Variants in TENM2 observed in about 807,000 individuals in gnomAD.
TENM2 encodes teneurin-2.
Under a neutral mutation model 245.2 loss-of-function variants are expected in TENM2, and 52 were observed. The observed-to-expected ratio is 0.21, with a 90% confidence interval of 0.17 to 0.27. The LOEUF (loss-of-function observed/expected upper bound fraction) is 0.27, where lower values mean the gene tolerates loss of function less well. TENM2 is among the 10% of genes least tolerant of loss of function. The pLI, the probability that TENM2 is intolerant of heterozygous loss-of-function variation, is 1.00. For synonymous variants in TENM2, 1,363 were observed against 1,438.9 expected, an observed-to-expected ratio of 0.95 and a Z score of 1.19; for missense variants, 3,046 against 3,666.8, an observed-to-expected ratio of 0.83 and a Z score of 4.37.
chr5:167,274,494 A>G, the TENM2 span, among the ~76,000 whole-genome samples: 1 of 152,076 alleles, frequency 6.6e-6, no homozygotes, highest in Admixed American at 6.6e-5. Flanking sequence ...CATGAACATA[A>G]GTTTTCATTT....
chr5:168,051,538 C>G (rs1325712078), intron 6 of TENM2, among the ~76,000 whole-genome samples: 1 of 152,122 alleles, frequency 6.6e-6, no homozygotes, highest in Non-Finnish European at 1.5e-5. Context: ...TATAACTATC[C>G]AAGTTATAGG....
At chr5:168,067,832 C>T (rs577611319) in intron 7 of TENM2, among the ~76,000 whole-genome samples, 1 of 152,258 alleles carries the variant, frequency 6.6e-6, no homozygotes, top group Admixed American at 6.5e-5. Context: ...GAGGCAATGC[C>T]AGGGTTTGGC....
intron 2 of TENM2, among the ~76,000 whole-genome samples, chr5:167,646,835 C>T (rs1216211583): frequency 6.6e-6 from 1 of 152,118 alleles, no homozygotes; most frequent in African/African-American, 2.4e-5. Context: ...ATGAAAAGGA[C>T]GCAGCTATAA....
intron 5 of TENM2, among the ~76,000 whole-genome samples, chr5:168,043,975 T>G (rs1223651893): frequency 6.6e-6 from 1 of 152,234 alleles, no homozygotes; most frequent in Non-Finnish European, 1.5e-5. Context: ...CCTCCCACAG[T>G]AATTTCCTTC....
At chr5:167,241,525 A>G in the TENM2 span, among the ~76,000 whole-genome samples, 1 of 152,192 alleles carries the variant, frequency 6.6e-6, no homozygotes, top group Non-Finnish European at 1.5e-5. Flanking sequence ...TGAACATTGC[A>G]CACTGAGAAT....
chr5:167,374,088 C>A (rs1055328560), intron 1 of TENM2, among the ~76,000 whole-genome samples: 1 of 152,158 alleles, frequency 6.6e-6, no homozygotes, highest in Non-Finnish European at 1.5e-5. Flanking sequence ...AGCTCTTCAT[C>A]CCTAGGATGC....
At chr5:167,500,301 C>G (rs1230781518) in intron 2 of TENM2, among the ~76,000 whole-genome samples, 1 of 151,934 alleles carries the variant, frequency 6.6e-6, no homozygotes, top group Non-Finnish European at 1.5e-5. Flanking sequence ...ATTCCTGCAG[C>G]CTTTGAAGTT....
At chr5:167,952,302 T>C in intron 3 of TENM2, 2 of 538,422 alleles carry the variant, frequency 3.7e-6, no homozygotes. Flanking sequence ...GCAGTATTAA[T>C]ATGTTTCAAA....
chr5:167,132,912 C>T, the TENM2 span, among the ~76,000 whole-genome samples: 4 of 152,216 alleles, frequency 2.6e-5, no homozygotes, highest in African/African-American at 4.8e-5. Flanking sequence ...CCTAGGGTAA[C>T]TTCAGTGGAA....
chr5:167,934,776 C>A, intron 3 of TENM2: 1 of 806,690 alleles, frequency 1.2e-6, no homozygotes, highest in Non-Finnish European at 1.5e-6. Flanking sequence ...CGGCTCCAGC[C>A]CATTCAGGGC....
At chr5:167,176,823 T>C in the TENM2 span, among the ~76,000 whole-genome samples, 1,500 of 152,334 alleles carry the variant, frequency 9.8e-3, 23 homozygotes, top group African/African-American at 0.034. Context: ...AATAATCTAT[T>C]AGGATGGAAA....
the TENM2 span, among the ~76,000 whole-genome samples, chr5:167,274,866 T>C: frequency 4.7e-4 from 72 of 152,026 alleles, no homozygotes; most frequent in Non-Finnish European, 8.2e-4. Flanking sequence ...ATTGTTTTAC[T>C]GTTGAGTTTT....
chr5:168,090,879 C>T (rs1792883296), intron 8 of TENM2, 110 bp downstream of exon 10: 5 of 929,326 alleles, frequency 5.4e-6, no homozygotes, highest in Non-Finnish European at 8.3e-6. Context: ...AGATGACAAC[C>T]AACCAGGATC....
intron 2 of TENM2, among the ~76,000 whole-genome samples, chr5:167,827,635 G>GA (rs1554126522): frequency 9.3e-6 from 1 of 107,954 alleles, no homozygotes; most frequent in Non-Finnish European, 1.9e-5. Flanking sequence ...GGGCGGGGGG[G>GA]GGGGAACAGT....
intron 25 of TENM2, among the ~76,000 whole-genome samples, chr5:168,230,639 C>T (rs1431850865): frequency 1.3e-5 from 2 of 152,160 alleles, no homozygotes; most frequent in African/African-American, 2.4e-5. Flanking sequence ...CCCTATCTAT[C>T]TATCTTAGTC....
intron 3 of TENM2, chr5:167,938,692 A>G (rs780968137): frequency 2.0e-5 from 3 of 152,194 alleles, no homozygotes; most frequent in African/African-American, 7.2e-5. Flanking sequence ...GAACAAATCA[A>G]TGATTAAGAA....
intron 2 of TENM2, among the ~76,000 whole-genome samples, chr5:167,826,374 G>T (rs952571259): frequency 2.6e-5 from 4 of 152,004 alleles, no homozygotes; most frequent in Non-Finnish European, 5.9e-5. Flanking sequence ...CTATATTTTT[G>T]CAGAGCAGCT....
In TENM2 at chr5:167,731,671, G is replaced by T. The variant is rs149377182; in HGVS notation, c.503-144315G>T. ...TGAATCTCTTCATGGACTCTGGGTG[G>T]TCACTAAAGCATCAATTTCTCAGAG... On this transcript the variant is annotated intron_variant, in intron 2 of 28. Coordinates refer to ENST00000518659, the Ensembl canonical transcript of TENM2. Among the ~76,000 whole-genome samples, 246 of 147,024 alleles carry T rather than the reference G, an allele frequency of 1.7e-3. 1 individual carries two copies. Among genetic ancestry groups the T allele is most frequent in the African/African-American group, 5.5e-3 (220 of 40,034 alleles).
chr5:166,981,000 T>G, the TENM2 span, among the ~76,000 whole-genome samples: 1 of 152,314 alleles, frequency 6.6e-6, no homozygotes, highest in East Asian at 1.9e-4. Flanking sequence ...TTAACTAATG[T>G]TGGAAGAACT....
Sources: allele counts gnomAD v4.1 joint callset (sites outside exome capture counted in the v4.1 genomes callset), GRCh38; gene constraint gnomAD v4.1.1; transcripts MANE v1.5; gene names NCBI Gene and HGNC (gene_info 2026-07-23, HGNC 2026-07-21).